Variants in SEMA4D observed in about 807,000 individuals in gnomAD.
SEMA4D encodes the protein semaphorin-4D.
A neutral mutation model predicts 74.8 loss-of-function variants in SEMA4D; 22 were observed. The observed-to-expected ratio is 0.29, with a 90% CI of 0.21 to 0.42. The LOEUF is 0.42. Ranked by LOEUF, SEMA4D falls within the 10% of genes least tolerant of loss-of-function variation. The probability of loss-of-function intolerance (pLI) is 1.00; values close to 1 mark genes in which losing one functional copy is unlikely to be tolerated. For synonymous variants in SEMA4D, 445 were observed against 463.7 expected, an observed-to-expected ratio of 0.96 and a Z score of 0.52; for missense variants, 937 against 1,118.4, an observed-to-expected ratio of 0.84 and a Z score of 2.31.
At chr9:89,387,062 G>C in intron 12 of SEMA4D, 1 of 276,926 alleles carries the variant, frequency 3.6e-6, no homozygotes, top group Non-Finnish European at 6.8e-6. Flanking sequence ...CCTCCTCCCA[G>C]GTGGCTCACA....
rs756926373 is a variant in SEMA4D at position 89,379,161 on chromosome 9, T to C, written c.2132A>G (p.Lys711Arg). ...PAPTGTSCEP[K>R]IVINTVPQLH... Reference sequence around the variant, plus strand: ...CTGGGGGACCGTGTTGATGACGATCTTTGGTTCGCAGGATGTGCCGGTGGG... The same window carrying C: ...CTGGGGGACCGTGTTGATGACGATCCTTGGTTCGCAGGATGTGCCGGTGGG... The change falls in exon 16 of 16, where the codon AAG (lysine) becomes AGG (arginine). Residue 711 changes from lysine (K) to arginine (R), a missense_variant. Lys to Arg is a conservative substitution (Grantham distance 26, BLOSUM62 2). Transcript: ENST00000422704. The C allele has an allele frequency of 1.2e-6, 2 of 1,614,058 alleles. No homozygotes were observed. Among genetic ancestry groups the C allele is most frequent in the Non-Finnish European group, 1.7e-6 (2 of 1,180,014 alleles).
chr9:89,428,896 C>T (rs529420670), intron 2 of SEMA4D, among the ~76,000 whole-genome samples: 2 of 152,354 alleles, frequency 1.3e-5, no homozygotes, highest in East Asian at 3.9e-4. Flanking sequence ...GGCTCTGCCC[C>T]CTGGGTCCCT....
intron 1 of SEMA4D, chr9:89,472,281 C>G (rs931493401): frequency 1.3e-5 from 5 of 383,230 alleles, no homozygotes; most frequent in South Asian, 1.1e-4. Flanking sequence ...TTCGCAATTT[C>G]TGACTGTCGT....
At chr9:89,370,082 A>G (rs1171272422) in intron 16 of SEMA4D, among the ~76,000 whole-genome samples, 1 of 148,952 alleles carries the variant, frequency 6.7e-6, no homozygotes, top group Non-Finnish European at 1.5e-5. Context: ...TATGGTGTGT[A>G]TGGGGGTGGT....
intron 1 of SEMA4D, among the ~76,000 whole-genome samples, chr9:89,478,779 C>T (rs1862415317): frequency 6.7e-6 from 1 of 150,126 alleles, no homozygotes; most frequent in African/African-American, 2.5e-5. Flanking sequence ...CCACCCCACC[C>T]CACCCCAAGG....
rs1825939109 is a variant in SEMA4D, at chr9:89,495,520, G to A, written c.-310+2399C>T. On this transcript the variant is annotated intron_variant, in intron 1 of 15. Coordinates refer to ENST00000422704, the MANE Select transcript of SEMA4D (RefSeq NM_001371194.2). The stretch of plus-strand genomic sequence containing the variant: ...CAAGCCCAGGGCGGACCCTGGCCCA[G>A]GGAAGAGAGGACCCACCCCAGCTGC... Among the ~76,000 whole-genome samples, 3 of 152,102 alleles carry A rather than the reference G, an allele frequency of 2.0e-5. No individual in the cohort carries two copies. In the South Asian group the frequency reaches 6.2e-4, roughly 32 times the overall value.
chr9:89,492,811 G>T lies in SEMA4D; in HGVS notation c.-310+5108C>A, dbSNP rs539664258. 6.6e-6 allele frequency among the ~76,000 whole-genome samples: 1 copy of T among 152,134 alleles called. No homozygotes were observed. The highest frequency in any genetic ancestry group is 2.1e-4 in the South Asian group (1 of 4,818). On this transcript the variant is annotated intron_variant, in intron 1 of 15. Coordinates refer to ENST00000422704, the MANE Select transcript of SEMA4D (RefSeq NM_001371194.2). This position sits in a 1 kb window ranked among gnomAD's most constrained non-coding sequence, Gnocchi z 4.3. ...CCCGAGCTCCTGCAAGGCCCGCCCC[G>T]CACCGCCCTCCTACCATTGCTCATG...
rs191840114 is a variant in SEMA4D, at chr9:89,390,058, C to T, written c.775-1011G>A. The stretch of plus-strand genomic sequence containing the variant: ...GTGCCTAAGACTTGTAGAAACTTGT[C>T]GGGGGTGGAGGTGGCTGCTCTGTGC... On this transcript the variant is annotated intron_variant, in intron 9 of 15. Coordinates refer to ENST00000422704, the MANE Select transcript of SEMA4D (RefSeq NM_001371194.2). 2.4e-3 allele frequency among the ~76,000 whole-genome samples: 368 copies of T among 152,244 alleles called. 1 individual carries two copies. Among genetic ancestry groups the T allele is most frequent in the African/African-American group, 5.9e-3 (243 of 41,538 alleles).
intron 1 of SEMA4D, among the ~76,000 whole-genome samples, chr9:89,474,160 T>C (rs538563521): frequency 1.3e-5 from 2 of 152,276 alleles, no homozygotes; most frequent in Non-Finnish European, 1.5e-5. Flanking sequence ...CCCCCTTTGG[T>C]TGCCAAGAAA....
chr9:89,400,955 C>T (rs1388180869), intron 4 of SEMA4D, among the ~76,000 whole-genome samples: 2 of 152,162 alleles, frequency 1.3e-5, no homozygotes, highest in African/African-American at 2.4e-5. Context: ...GTCAGGAAGG[C>T]GCTCAGAGGA....
chr9:89,485,788 CAAAAAAAAAAAAAAAAAAAA>C (rs56056536), intron 1 of SEMA4D, among the ~76,000 whole-genome samples: 1,362 of 76,918 alleles, frequency 0.018, 37 homozygotes, highest in African/African-American at 0.062. Context: ...AACTCCATCT[CAAAAAAAAAAAAAAAAAAAA>C]AAAAAAGAAA....
chr9:89,462,681 G>A (rs1046636036), intron 1 of SEMA4D, among the ~76,000 whole-genome samples: 3 of 151,828 alleles, frequency 2.0e-5, no homozygotes, highest in Admixed American at 6.6e-5. Context: ...GCAGGGGCTC[G>A]TGCCTGTAAT....
intron 2 of SEMA4D, among the ~76,000 whole-genome samples, chr9:89,421,799 G>C (rs1463570309): frequency 6.6e-6 from 1 of 151,986 alleles, no homozygotes; most frequent in Non-Finnish European, 1.5e-5. Flanking sequence ...CCGTGTGTGT[G>C]CGTGTGTGTG....
intron 1 of SEMA4D, among the ~76,000 whole-genome samples, chr9:89,470,938 A>G (rs1260988807): frequency 6.6e-6 from 1 of 152,260 alleles, no homozygotes. Flanking sequence ...CTTGGAGGAT[A>G]GAATTTCTCT....
chr9:89,390,631 CG>C (rs1839656820), intron 9 of SEMA4D, among the ~76,000 whole-genome samples: 1 of 152,196 alleles, frequency 6.6e-6, no homozygotes, highest in African/African-American at 2.4e-5. Flanking sequence ...CCATGAGAGA[CG>C]AATGGCTACC....
intron 2 of SEMA4D, among the ~76,000 whole-genome samples, chr9:89,423,736 A>C (rs1240362656): frequency 5.2e-3 from 408 of 78,956 alleles, no homozygotes; most frequent in Middle Eastern, 0.01. Context: ...TCAGTACTTC[A>C]CCTCCCCCGG....
intron 1 of SEMA4D, among the ~76,000 whole-genome samples, chr9:89,468,029 A>G (rs190703093): frequency 6.6e-6 from 1 of 152,272 alleles, no homozygotes; most frequent in African/African-American, 2.4e-5. Flanking sequence ...CTGTCCAAAG[A>G]GAATCATTTG....
At chr9:89,457,030 T>C (rs1384569628) in intron 1 of SEMA4D, among the ~76,000 whole-genome samples, 2 of 152,114 alleles carry the variant, frequency 1.3e-5, no homozygotes, top group Non-Finnish European at 2.9e-5. Context: ...GGAGTGAGCA[T>C]CGCAAAGTCC....
intron 7 of SEMA4D, among the ~76,000 whole-genome samples, chr9:89,392,918 G>T (rs7857442): frequency 0.019 from 2,899 of 152,202 alleles, 102 homozygotes; most frequent in African/African-American, 0.066. Context: ...GGTAGAGATG[G>T]GGTTTAACCC....
Sources: gnomAD v4.1 joint callset for allele counts (sites outside exome capture counted in the v4.1 genomes callset) on GRCh38, gnomAD v4.1.1 for gene constraint, Gnocchi (gnomAD v3.1) non-coding constraint, MANE v1.5 for transcripts, NCBI Gene and HGNC (gene_info 2026-07-23, HGNC 2026-07-21) for gene names.